CACNB2: variants seen among roughly 807,000 people sequenced by gnomAD.
The protein encoded by CACNB2 is voltage-dependent L-type calcium channel subunit beta-2.
A neutral mutation model predicts 73.3 loss-of-function variants in CACNB2; 42 were observed. The observed-to-expected ratio is 0.57, with a 90% CI of 0.45 to 0.74. The LOEUF is 0.74. Among genes scored for constraint, CACNB2 ranks in the 30% least tolerant of loss-of-function variants. CACNB2 has a pLI of 0.00. For missense variants in CACNB2, 940 were observed against 853.0 expected, an observed-to-expected ratio of 1.10 and a Z score of -1.27; for synonymous variants, 348 against 310.3, an observed-to-expected ratio of 1.12 and a Z score of -1.28.
intron 3 of CACNB2, among the ~76,000 whole-genome samples, chr10:18,472,085 A>G (rs1168955908): frequency 1.3e-5 from 2 of 151,864 alleles, no homozygotes; most frequent in African/African-American, 4.8e-5. Flanking sequence ...CTTTGATGTC[A>G]TATGCACCTT....
intron 10 of CACNB2, 26 bp from the exon 11 acceptor site, chr10:18,534,050 T>G: frequency 6.2e-7 from 1 of 1,613,492 alleles, no homozygotes; most frequent in Non-Finnish European, 8.5e-7. Context: ...TACTGCACTT[T>G]AACTGAATTG....
At chr10:18,319,248 T>C (rs990449194) in intron 2 of CACNB2, among the ~76,000 whole-genome samples, 34 of 152,122 alleles carry the variant, frequency 2.2e-4, no homozygotes, top group Non-Finnish European at 4.6e-4. Flanking sequence ...ATATATACAC[T>C]GTGGAATACT....
intron 3 of CACNB2, among the ~76,000 whole-genome samples, chr10:18,409,459 C>T (rs1435985208): frequency 6.6e-6 from 1 of 152,190 alleles, no homozygotes; most frequent in Non-Finnish European, 1.5e-5. Context: ...CAGTTTTGAC[C>T]TGTCAAACTT....
At chr10:18,330,957 G>A (rs149271745) in intron 2 of CACNB2, among the ~76,000 whole-genome samples, 9,676 of 151,034 alleles carry the variant, frequency 0.064, 519 homozygotes, top group African/African-American at 0.14. Context: ...GTGAGCCACC[G>A]TGCCCGGCCT....
chr10:18,489,073 G>A (rs1291610656), intron 3 of CACNB2, among the ~76,000 whole-genome samples: 1 of 151,988 alleles, frequency 6.6e-6, no homozygotes, highest in Non-Finnish European at 1.5e-5. Flanking sequence ...CAGCACTTTG[G>A]GAGGCCGAGG....
chr10:18,328,756 T>G (rs186291680), intron 2 of CACNB2, among the ~76,000 whole-genome samples: 2 of 152,334 alleles, frequency 1.3e-5, no homozygotes, highest in African/African-American at 4.8e-5. Context: ...CATCAGGGGT[T>G]GGTTAAGCAA....
intron 1 of CACNB2, among the ~76,000 whole-genome samples, chr10:18,146,475 A>G (rs1037235978): frequency 1.5e-5 from 2 of 131,662 alleles, no homozygotes; most frequent in Admixed American, 7.5e-5. Flanking sequence ...ACGGCCAGCT[A>G]ATTTTTTTTT....
At chr10:18,341,063 T>A in intron 2 of CACNB2, 2 of 1,382,576 alleles carry the variant, frequency 1.4e-6, no homozygotes, top group African/African-American at 2.8e-5. Flanking sequence ...GAGCTTGAGC[T>A]AAAATCATAC....
chr10:18,193,832 G>T (rs74327313), intron 2 of CACNB2, among the ~76,000 whole-genome samples: 1 of 152,134 alleles, frequency 6.6e-6, no homozygotes, highest in South Asian at 2.1e-4. Flanking sequence ...TGCTCATGAA[G>T]CATCAGTCAC....
intron 3 of CACNB2, among the ~76,000 whole-genome samples, chr10:18,430,803 G>A (rs763175130): frequency 6.6e-6 from 1 of 152,176 alleles, no homozygotes; most frequent in African/African-American, 2.4e-5. Flanking sequence ...TTGAGGGAAA[G>A]GTGAAAAGTA....
chr10:18,282,498 C>T (rs761393140), intron 2 of CACNB2, among the ~76,000 whole-genome samples: 2 of 152,210 alleles, frequency 1.3e-5, no homozygotes, highest in Non-Finnish European at 2.9e-5. Flanking sequence ...CATTTAAAGT[C>T]TCTTGGTCTC....
chr10:18,518,290 T>C, intron 7 of CACNB2, 46 bp from the exon 8 acceptor site: 1 of 1,270,822 alleles, frequency 7.9e-7, no homozygotes. Flanking sequence ...AATATTTATG[T>C]TCTACCTGCC....
chr10:18,269,545 A>G (rs543098393), intron 2 of CACNB2, among the ~76,000 whole-genome samples: 1 of 152,362 alleles, frequency 6.6e-6, no homozygotes, highest in African/African-American at 2.4e-5. Context: ...AAGAAAATAG[A>G]CCTAGAAAAA....
intron 2 of CACNB2, among the ~76,000 whole-genome samples, chr10:18,162,980 T>C (rs1263361534): frequency 2.6e-5 from 4 of 151,962 alleles, no homozygotes; most frequent in South Asian, 2.1e-4. Context: ...AAGAGATCGA[T>C]GGATGGGTGC....
chr10:18,352,861 T>C (rs1357296972), intron 2 of CACNB2, among the ~76,000 whole-genome samples: 2 of 152,224 alleles, frequency 1.3e-5, no homozygotes, highest in African/African-American at 4.8e-5. Flanking sequence ...CAATAAAAGC[T>C]GTGAACAGAA....
chr10:18,240,856 G>T (rs964494601), intron 2 of CACNB2, among the ~76,000 whole-genome samples: 1 of 152,106 alleles, frequency 6.6e-6, no homozygotes, highest in African/African-American at 2.4e-5. Context: ...GCATTGGTCA[G>T]TGGCCTCCAC....
intron 2 of CACNB2, among the ~76,000 whole-genome samples, chr10:18,177,702 A>T (rs947692890): frequency 2.1e-4 from 32 of 152,340 alleles, no homozygotes; most frequent in African/African-American, 7.7e-4. Flanking sequence ...ATTAGCACTC[A>T]GTGAATCTAC....
chr10:18,172,897 A>G (rs1161215445), intron 2 of CACNB2, among the ~76,000 whole-genome samples: 1 of 146,252 alleles, frequency 6.8e-6, no homozygotes, highest in Non-Finnish European at 1.5e-5. Flanking sequence ...GTTTCAATTC[A>G]TCTTCAAATA....
At chr10:18,352,453 G>A (rs1314737104) in intron 2 of CACNB2, among the ~76,000 whole-genome samples, 2 of 152,172 alleles carry the variant, frequency 1.3e-5, no homozygotes, top group Non-Finnish European at 2.9e-5. Context: ...GGGAACAGTA[G>A]GGTTGATAAA....
Sources: gnomAD v4.1 joint callset for allele counts (sites outside exome capture counted in the v4.1 genomes callset) on GRCh38, gnomAD v4.1.1 for gene constraint, MANE v1.5 for transcripts, NCBI Gene and HGNC (gene_info 2026-07-23, HGNC 2026-07-21) for gene names.